Variants in CCSER1 observed in about 807,000 individuals in gnomAD.
The protein encoded by CCSER1 is coiled-coil serine rich protein 1, also known as serine-rich coiled-coil domain-containing protein 1.
In CCSER1, 41 loss-of-function variants were observed where a neutral mutation model predicts 82.0. That is an observed-to-expected ratio of 0.50 (90% CI 0.39 to 0.65). The LOEUF is 0.65. Ranked by LOEUF, CCSER1 falls within the 30% of genes least tolerant of loss-of-function variation. CCSER1 has a pLI of 0.00. For synonymous variants in CCSER1, 414 were observed against 383.9 expected (o/e 1.08, Z -0.92); for missense variants, 1,119 against 1,064.2 (o/e 1.05, Z -0.72).
chr4:91,527,075 G>A (rs1241853621), intron 10 of CCSER1, among the ~76,000 whole-genome samples: 1 of 152,164 alleles, frequency 6.6e-6, no homozygotes, highest in Admixed American at 6.6e-5. Flanking sequence ...TAAGAACACA[G>A]AAGAAGGAAG....
intron 10 of CCSER1, among the ~76,000 whole-genome samples, chr4:91,380,193 C>T (rs569457857): frequency 1.1e-4 from 16 of 151,976 alleles, no homozygotes; most frequent in South Asian, 4.1e-4. Context: ...GGAATAAGTG[C>T]GATGTGGTGC....
chr4:90,259,687 A>G (rs901180530), intron 1 of CCSER1, among the ~76,000 whole-genome samples: 4 of 152,112 alleles, frequency 2.6e-5, no homozygotes, highest in African/African-American at 7.2e-5. Flanking sequence ...GATTTTACCA[A>G]GTGCTTTTCC....
intron 10 of CCSER1, among the ~76,000 whole-genome samples, chr4:91,159,076 C>T (rs566069975): frequency 2.4e-4 from 36 of 152,050 alleles, no homozygotes; most frequent in African/African-American, 8.2e-4. Context: ...TCCCATTGCT[C>T]ATTAAATTAA....
chr4:90,990,336 C>A (rs1736919864), intron 9 of CCSER1, among the ~76,000 whole-genome samples: 1 of 151,872 alleles, frequency 6.6e-6, no homozygotes, highest in South Asian at 2.1e-4. Context: ...TATAGTAAAG[C>A]CATGTTCTTC....
At chr4:90,212,600 A>T (rs1044633161) in intron 1 of CCSER1, among the ~76,000 whole-genome samples, 1 of 152,214 alleles carries the variant, frequency 6.6e-6, no homozygotes, top group African/African-American at 2.4e-5. Context: ...TAATCAAGTT[A>T]GAAAGTTGTT....
At chr4:90,249,403 A>T (rs536330446) in intron 1 of CCSER1, among the ~76,000 whole-genome samples, 1 of 152,182 alleles carries the variant, frequency 6.6e-6, no homozygotes, top group African/African-American at 2.4e-5. Context: ...ATTTTTTAGT[A>T]TATTCACAGA....
intron 6 of CCSER1, among the ~76,000 whole-genome samples, chr4:90,711,564 G>A (rs1436363365): frequency 1.3e-5 from 2 of 151,976 alleles, no homozygotes; most frequent in Non-Finnish European, 2.9e-5. Context: ...TTTATTGAAG[G>A]CCTTTTCTGC....
At chr4:90,872,994 G>T (rs1766746218) in intron 8 of CCSER1, among the ~76,000 whole-genome samples, 2 of 151,694 alleles carry the variant, frequency 1.3e-5, no homozygotes, top group Non-Finnish European at 2.9e-5. Context: ...CTGCTTTTAG[G>T]ACCTCTTTTA....
intron 3 of CCSER1, among the ~76,000 whole-genome samples, chr4:90,367,081 G>C (rs112601521): frequency 0.017 from 2,653 of 151,844 alleles, 60 homozygotes; most frequent in African/African-American, 0.046. Flanking sequence ...AGAATTGTCA[G>C]CATTAATAAA....
chr4:90,577,346 G>A (rs74665294), intron 5 of CCSER1, among the ~76,000 whole-genome samples: 2,681 of 152,174 alleles, frequency 0.018, 79 homozygotes, highest in African/African-American at 0.061. Flanking sequence ...TTATGAGTGA[G>A]TGTCCCTGGA....
intron 10 of CCSER1, among the ~76,000 whole-genome samples, chr4:91,556,841 T>C (rs535712711): frequency 6.6e-6 from 1 of 151,216 alleles, no homozygotes; most frequent in Non-Finnish European, 1.5e-5. Flanking sequence ...TTTCTTTGAA[T>C]GTAAGAATTA....
intron 5 of CCSER1, among the ~76,000 whole-genome samples, chr4:90,575,806 A>G (rs1780689212): frequency 6.6e-6 from 1 of 152,116 alleles, no homozygotes; most frequent in African/African-American, 2.4e-5. Flanking sequence ...TATTTTTCTT[A>G]AGAATTTTGA....
intron 9 of CCSER1, among the ~76,000 whole-genome samples, chr4:91,009,871 T>C (rs903558863): frequency 6.6e-6 from 1 of 152,204 alleles, no homozygotes; most frequent in Non-Finnish European, 1.5e-5. Context: ...ATTGCAGCTA[T>C]CATTATTTTT....
At chr4:90,804,514 A>G (rs1757252960) in intron 7 of CCSER1, among the ~76,000 whole-genome samples, 1 of 152,172 alleles carries the variant, frequency 6.6e-6, no homozygotes, top group Admixed American at 6.5e-5. Flanking sequence ...GTCAAAGATC[A>G]GATGGTTGTA....
chr4:90,150,171 G>A (rs551793656), intron 1 of CCSER1, among the ~76,000 whole-genome samples: 1 of 152,260 alleles, frequency 6.6e-6, no homozygotes, highest in South Asian at 2.1e-4. Context: ...AATTCTACAG[G>A]ACCAACTGAA....
chr4:90,761,399 G>C (rs1315564303), intron 7 of CCSER1, among the ~76,000 whole-genome samples: 2 of 151,932 alleles, frequency 1.3e-5, no homozygotes, highest in East Asian at 3.9e-4. Context: ...GAATGAATAG[G>C]GAAAATACAG....
In CCSER1 at chr4:90,767,049, T is replaced by C. The variant is rs569146290; in HGVS notation, c.2010+43058T>C. Among the ~76,000 whole-genome samples the C allele has an allele frequency of 3.9e-5, 6 of 152,300 alleles. No individual in the cohort carries two copies. The South Asian group carries it at 1.0e-3, about 26-fold the overall frequency. ...CTGATGAAAGAACAGTGCCCAGCTA[T>C]CTCACATACACCCTGTGTATCATTC... On this transcript the variant is annotated intron_variant, in intron 7 of 10. Coordinates refer to ENST00000509176, the MANE Select transcript of CCSER1 (RefSeq NM_001145065.2).
chr4:91,523,101 C>T (rs1171315878), intron 10 of CCSER1, among the ~76,000 whole-genome samples: 6 of 151,988 alleles, frequency 3.9e-5, no homozygotes, highest in Non-Finnish European at 5.9e-5. Flanking sequence ...TGAGTTTTGT[C>T]GAAGGCCTTT....
intron 9 of CCSER1, among the ~76,000 whole-genome samples, chr4:90,935,296 A>G (rs1374147535): frequency 1.3e-5 from 2 of 151,988 alleles, no homozygotes; most frequent in African/African-American, 2.4e-5. Flanking sequence ...TTCTCACTCT[A>G]TGAGTTCCTG....
Sources: allele counts gnomAD v4.1 joint callset (sites outside exome capture counted in the v4.1 genomes callset), GRCh38; gene constraint gnomAD v4.1.1; transcripts MANE v1.5; gene names NCBI Gene and HGNC (gene_info 2026-07-23, HGNC 2026-07-21).